TCEA3: variants seen among roughly 807,000 people sequenced by gnomAD.
The protein encoded by TCEA3 is transcription elongation factor A protein 3.
A neutral mutation model predicts 44.0 loss-of-function variants in TCEA3; 36 were observed. That is an observed-to-expected ratio of 0.82 (90% CI 0.63 to 1.08). The LOEUF (loss-of-function observed/expected upper bound fraction) is 1.08. Ranked by LOEUF, TCEA3 falls within the 50% of genes least tolerant of loss-of-function variation. The probability of loss-of-function intolerance (pLI) is 0.00; values close to 1 mark genes in which losing one functional copy is unlikely to be tolerated. For missense variants in TCEA3, 392 were observed against 441.2 expected (o/e 0.89, Z 1.00); for synonymous variants, 162 against 159.7 (o/e 1.01, Z -0.11).
chr1:23,411,303 C>T (rs1056176800), intron 4 of TCEA3, among the ~76,000 whole-genome samples: 4 of 152,084 alleles, frequency 2.6e-5, no homozygotes, highest in African/African-American at 4.8e-5. Flanking sequence ...ATTACAGGCA[C>T]GCGCCACCAT....
At chr1:23,416,611 C>T (rs1639896422) in intron 4 of TCEA3, among the ~76,000 whole-genome samples, 1 of 152,162 alleles carries the variant, frequency 6.6e-6, no homozygotes, top group African/African-American at 2.4e-5. Context: ...CCCACCTCAG[C>T]CTCCAGAGTA....
intron 4 of TCEA3, 124 bp downstream of exon 4, chr1:23,417,125 C>T: frequency 8.1e-7 from 1 of 1,235,818 alleles, no homozygotes; most frequent in Non-Finnish European, 1.1e-6. Context: ...GGGGGCACTG[C>T]AGGAGATAAT....
At chr1:23,394,701 G>A (rs1298573400) in intron 7 of TCEA3, among the ~76,000 whole-genome samples, 1 of 152,218 alleles carries the variant, frequency 6.6e-6, no homozygotes, top group Non-Finnish European at 1.5e-5. Context: ...GCTGGGAATT[G>A]CTGGTCAGAG....
chr1:23,420,261 A>C (rs1224606507), intron 1 of TCEA3, among the ~76,000 whole-genome samples: 1 of 152,096 alleles, frequency 6.6e-6, no homozygotes, highest in Non-Finnish European at 1.5e-5. Flanking sequence ...GCATTTTTTG[A>C]GACAAGATCT....
chr1:23,388,746 C>T (rs767512624), intron 8 of TCEA3, among the ~76,000 whole-genome samples: 9 of 152,024 alleles, frequency 5.9e-5, no homozygotes, highest in Non-Finnish European at 1.0e-4. Flanking sequence ...GTGGTGCGAT[C>T]GTGACTCATG....
intron 7 of TCEA3, 68 bp downstream of exon 7, chr1:23,397,477 G>C: frequency 6.8e-7 from 1 of 1,468,122 alleles, no homozygotes; most frequent in Non-Finnish European, 9.4e-7. Context: ...CTCCCAGCTC[G>C]CTTGCACCTT....
At chr1:23,392,440 TGC>T (rs1639071518) in intron 8 of TCEA3, among the ~76,000 whole-genome samples, 1 of 22,440 alleles carries the variant, frequency 4.5e-5, no homozygotes, top group African/African-American at 4.9e-4. Flanking sequence ...CCACACATCA[TGC>T]ACAATACACA....
At chr1:23,395,446 C>T (rs1313013568) in intron 7 of TCEA3, among the ~76,000 whole-genome samples, 1 of 152,206 alleles carries the variant, frequency 6.6e-6, no homozygotes, top group African/African-American at 2.4e-5. Flanking sequence ...GTCAAGCCCC[C>T]AAATGTACCC....
At chr1:23,414,530 T>C (rs1639832032) in intron 4 of TCEA3, among the ~76,000 whole-genome samples, 1 of 152,100 alleles carries the variant, frequency 6.6e-6, no homozygotes, top group Non-Finnish European at 1.5e-5. Flanking sequence ...GTCTCCTGAG[T>C]AGCTGGGATT....
intron 5 of TCEA3, chr1:23,404,266 C>G: frequency 4.4e-6 from 3 of 686,880 alleles, no homozygotes; most frequent in Non-Finnish European, 5.4e-6. Flanking sequence ...TCCTGGTACT[C>G]CAGCTACAGT....
At chr1:23,414,080 T>A (rs1434245959) in intron 4 of TCEA3, among the ~76,000 whole-genome samples, 1 of 151,140 alleles carries the variant, frequency 6.6e-6, no homozygotes, top group East Asian at 1.9e-4. Context: ...GATATTTTAT[T>A]TTACTTTATT....
At chr1:23,409,663 T>C (rs1481627781) in intron 4 of TCEA3, among the ~76,000 whole-genome samples, 2 of 152,140 alleles carry the variant, frequency 1.3e-5, no homozygotes, top group African/African-American at 4.8e-5. Context: ...CTCTCCTGCC[T>C]CAGCCTCCTG....
chr1:23,385,535 C>T (rs986212618), intron 9 of TCEA3, among the ~76,000 whole-genome samples: 1 of 152,218 alleles, frequency 6.6e-6, no homozygotes, highest in Non-Finnish European at 1.5e-5. Context: ...GGGACTCCTC[C>T]GGAATGGCAA....
At chr1:23,423,639 G>C (rs1371465150) in intron 1 of TCEA3, among the ~76,000 whole-genome samples, 5 of 152,230 alleles carry the variant, frequency 3.3e-5, no homozygotes, top group African/African-American at 1.2e-4. Context: ...CCCTGGAACA[G>C]GAACGGGAGG....
chr1:23,414,473 G>C (rs1022281966), intron 4 of TCEA3, among the ~76,000 whole-genome samples: 1 of 152,190 alleles, frequency 6.6e-6, no homozygotes, highest in African/African-American at 2.4e-5. Context: ...CACGATCTTG[G>C]CTCACTGACA....
At chr1:23,392,426 C>G (rs374861755) in intron 8 of TCEA3, among the ~76,000 whole-genome samples, 1 of 3,050 alleles carries the variant, frequency 3.3e-4, no homozygotes, top group Non-Finnish European at 5.9e-4. Context: ...AATACACACA[C>G]ACTCCACACA....
chr1:23,422,373 T>C (rs550307346), intron 1 of TCEA3, among the ~76,000 whole-genome samples: 1 of 152,236 alleles, frequency 6.6e-6, no homozygotes, highest in Non-Finnish European at 1.5e-5. Flanking sequence ...TGTGTGTGTA[T>C]GTAGCTGTGA....
chr1:23,393,603 C>A (rs959811403), intron 8 of TCEA3, among the ~76,000 whole-genome samples: 1 of 152,218 alleles, frequency 6.6e-6, no homozygotes, highest in Non-Finnish European at 1.5e-5. Context: ...GCCTCAGGAT[C>A]CTCATCTGTA....
intron 2 of TCEA3, among the ~76,000 whole-genome samples, chr1:23,418,531 C>G (rs1350865550): frequency 1.3e-5 from 2 of 152,116 alleles, no homozygotes; most frequent in Non-Finnish European, 2.9e-5. Flanking sequence ...AGGCTGGTCT[C>G]GAACTCCTGA....
Sources: gnomAD v4.1 joint callset for allele counts (sites outside exome capture counted in the v4.1 genomes callset) on GRCh38, gnomAD v4.1.1 for gene constraint, MANE v1.5 for transcripts, NCBI Gene and HGNC (gene_info 2026-07-23, HGNC 2026-07-21) for gene names.